The following GRIK3 variants were observed in gnomAD, a reference collection of about 807,000 sequenced individuals.
GRIK3 encodes glutamate receptor ionotropic, kainate 3.
A neutral mutation model predicts 102.5 loss-of-function variants in GRIK3; 29 were observed. That is an observed-to-expected ratio of 0.28 (90% CI 0.21 to 0.39). The LOEUF (loss-of-function observed/expected upper bound fraction) is 0.39. GRIK3 is among the 10% of genes least tolerant of loss of function. The pLI, the probability that GRIK3 is intolerant of heterozygous loss-of-function variation, is 1.00. For synonymous variants in GRIK3, 511 were observed against 504.9 expected (o/e 1.01, Z -0.16); for missense variants, 908 against 1,252.4 (o/e 0.73, Z 4.15).
intron 1 of GRIK3, among the ~76,000 whole-genome samples, chr1:36,942,579 CA>C (rs1641736365): frequency 6.6e-6 from 1 of 152,122 alleles, no homozygotes; most frequent in Non-Finnish European, 1.5e-5. Context: ...ACCCCACCTC[CA>C]CCCTTTGACC....
intron 2 of GRIK3, among the ~76,000 whole-genome samples, chr1:36,885,174 T>G (rs1027585202): frequency 6.6e-6 from 1 of 152,190 alleles, no homozygotes; most frequent in African/African-American, 2.4e-5. Flanking sequence ...TTGATGTTGG[T>G]GTTGATGAGA....
At chr1:36,862,712 G>A (rs559362893) in intron 5 of GRIK3, among the ~76,000 whole-genome samples, 1 of 152,268 alleles carries the variant, frequency 6.6e-6, no homozygotes, top group Admixed American at 6.5e-5. Context: ...ACCTGGGCTC[G>A]AGTTTCACCC....
chr1:36,873,057 G>A (rs947199813), intron 3 of GRIK3, among the ~76,000 whole-genome samples: 2 of 152,076 alleles, frequency 1.3e-5, no homozygotes, highest in African/African-American at 4.8e-5. Context: ...CTTTTGCTCT[G>A]TCCAGAAAAG....
chr1:36,837,453 G>A (rs915561575), intron 10 of GRIK3, among the ~76,000 whole-genome samples: 6 of 152,026 alleles, frequency 3.9e-5, no homozygotes, highest in Non-Finnish European at 8.8e-5. Flanking sequence ...AGCCTCATCA[G>A]TTCTCCTGCT....
chr1:36,890,008 G>C (rs1179052313), intron 2 of GRIK3, among the ~76,000 whole-genome samples: 1 of 152,112 alleles, frequency 6.6e-6, no homozygotes, highest in Admixed American at 6.5e-5. Flanking sequence ...CACTGCACAG[G>C]GTAGGCTGCA....
intron 1 of GRIK3, among the ~76,000 whole-genome samples, chr1:36,895,561 G>C (rs1458399008): frequency 6.6e-6 from 1 of 152,172 alleles, no homozygotes; most frequent in Non-Finnish European, 1.5e-5. Flanking sequence ...TGAGCTTGAG[G>C]ATATCTCAAT....
At chr1:36,861,013 G>A (rs1296876147) in intron 5 of GRIK3, among the ~76,000 whole-genome samples, 1 of 152,306 alleles carries the variant, frequency 6.6e-6, no homozygotes, top group Admixed American at 6.5e-5. Context: ...TTGTCAAATA[G>A]AGGAGATACT....
intron 1 of GRIK3, among the ~76,000 whole-genome samples, chr1:36,983,709 CT>C (rs777252412): frequency 2.6e-5 from 4 of 152,072 alleles, no homozygotes; most frequent in African/African-American, 4.8e-5. Context: ...AAAACAGGCC[CT>C]CCTTGACCCC....
chr1:37,029,053 C>T (rs1281967246), intron 1 of GRIK3, among the ~76,000 whole-genome samples: 1 of 152,214 alleles, frequency 6.6e-6, no homozygotes, highest in Non-Finnish European at 1.5e-5. Flanking sequence ...CCAGGTGGGG[C>T]CCCAGGCAGA....
chr1:37,009,123 G>T (rs1642562215), intron 1 of GRIK3, among the ~76,000 whole-genome samples: 1 of 152,062 alleles, frequency 6.6e-6, no homozygotes, highest in Non-Finnish European at 1.5e-5. Flanking sequence ...TCGAACTGTT[G>T]TTGTGAGAAT....
Position 36,993,613 on chromosome 1 carries a change from G to A in GRIK3, c.115+40381C>T, listed in dbSNP as rs111463621. Among the ~76,000 whole-genome samples, 801 of 152,330 alleles carry A rather than the reference G, an allele frequency of 5.3e-3. 9 individuals are homozygous for A. The highest frequency in any genetic ancestry group is 0.018 in the African/African-American group (755 of 41,562). ...CATCCTCACGGTGAAGTGATGTGAG[G>A]CTGGCAAGGTATATGCAGACAACAA... On this transcript the variant is annotated intron_variant, in intron 1 of 15. Transcript: ENST00000373091.
chr1:36,880,865 C>G lies in GRIK3; in HGVS notation c.319G>C (p.Val107Leu), dbSNP rs1336742367. ...CCCTGTGATGGGCCGAAGATCGCCA[C>G]CACGCCCAGTGCCAGCTGGTCACAG... Reference protein sequence around the residue: ...KACDQLALGVVAIFGPSQGSC... With the variant: ...KACDQLALGVLAIFGPSQGSC... Residue 107 changes from valine (V) to leucine (L), a missense_variant, in exon 3 of 16, where the codon GTG becomes CTG. Transcript: ENST00000373091. The surrounding 1 kb of genome is among the most constrained non-coding windows in gnomAD (Gnocchi z 5.4). 4 of 1,611,500 alleles carry G rather than the reference C, an allele frequency of 2.5e-6. No individual in the cohort carries two copies. The highest frequency in any genetic ancestry group is 1.7e-5 in the Admixed American group (1 of 59,486).
intron 13 of GRIK3, among the ~76,000 whole-genome samples, chr1:36,808,019 G>A (rs1449516150): frequency 6.6e-6 from 1 of 152,094 alleles, no homozygotes; most frequent in African/African-American, 2.4e-5. Flanking sequence ...TGCAATCCCT[G>A]CCTCCAAACC....
chr1:36,924,643 G>T (rs1641508875), intron 1 of GRIK3, among the ~76,000 whole-genome samples: 1 of 152,268 alleles, frequency 6.6e-6, no homozygotes, highest in South Asian at 2.1e-4. Context: ...GTCAGCGCTG[G>T]CCTTGCAGTA....
chr1:36,883,526 C>A (rs1314190824), intron 2 of GRIK3, among the ~76,000 whole-genome samples: 1 of 152,224 alleles, frequency 6.6e-6, no homozygotes, highest in Non-Finnish European at 1.5e-5. Flanking sequence ...CTCTGGAAGA[C>A]AGACCCAAGG....
At chr1:36,947,678 C>T (rs1311823634) in intron 1 of GRIK3, among the ~76,000 whole-genome samples, 1 of 152,000 alleles carries the variant, frequency 6.6e-6, no homozygotes, top group African/African-American at 2.4e-5. Context: ...TCACCCTTCC[C>T]CTCCTTTATT....
At chr1:37,021,875 C>A (rs1408183218) in intron 1 of GRIK3, among the ~76,000 whole-genome samples, 2 of 152,166 alleles carry the variant, frequency 1.3e-5, no homozygotes, top group East Asian at 3.9e-4. Context: ...GCCTTTAAGT[C>A]CTCAGTTTCC....
At chr1:36,949,581 T>C (rs1025827074) in intron 1 of GRIK3, among the ~76,000 whole-genome samples, 1 of 122,362 alleles carries the variant, frequency 8.2e-6, no homozygotes, top group Non-Finnish European at 1.6e-5. Context: ...TTTCTTTTTT[T>C]TTTTTTTTTT....
intron 1 of GRIK3, among the ~76,000 whole-genome samples, chr1:37,005,794 G>C (rs986092592): frequency 2.0e-5 from 3 of 152,196 alleles, no homozygotes; most frequent in Non-Finnish European, 4.4e-5. Context: ...AATAAATAAA[G>C]CTGACAAAAT....
Sources: allele counts gnomAD v4.1 joint callset (sites outside exome capture counted in the v4.1 genomes callset), GRCh38; gene constraint gnomAD v4.1.1; non-coding constraint Gnocchi (gnomAD v3.1); transcripts MANE v1.5; gene names NCBI Gene and HGNC (gene_info 2026-07-23, HGNC 2026-07-21).